The following ELF4 variants were observed in gnomAD, a reference collection of about 807,000 sequenced individuals.
The protein encoded by ELF4 is ETS-related transcription factor Elf-4.
In ELF4, 10 loss-of-function variants were observed where a neutral mutation model predicts 31.7. That is an observed-to-expected ratio of 0.32 (90% CI 0.19 to 0.54). ELF4 has a LOEUF of 0.54. ELF4 is among the 20% of genes least tolerant of loss of function. The pLI, the probability that ELF4 is intolerant of heterozygous loss-of-function variation, is 0.95. For synonymous variants in ELF4, 208 were observed against 226.7 expected, an observed-to-expected ratio of 0.92 and a Z score of 0.74; for missense variants, 418 against 522.0, an observed-to-expected ratio of 0.80 and a Z score of 1.94.
chrX:130,065,730 T>C lies in ELF4; in HGVS notation c.*991A>G, dbSNP rs774874594. On this transcript the variant is annotated 3_prime_UTR_variant, in exon 9 of 9. Coordinates refer to ENST00000308167, the MANE Select transcript of ELF4 (RefSeq NM_001421.4). Reference sequence around the variant, plus strand: ...TGGGGTGTCAGCAAAGGCTATTGTCTGGCGGGGGGCCGGTATCACACAAAC... The same window carrying C: ...TGGGGTGTCAGCAAAGGCTATTGTCCGGCGGGGGGCCGGTATCACACAAAC... The C allele has an allele frequency of 5.7e-6, 1 of 174,694 alleles. No homozygotes were observed. The highest frequency in any genetic ancestry group is 2.9e-5 in the African/African-American group (1 of 34,182). The allele number at this position is 174,694 out of a possible 1,213,427, so 14.4% of individuals were successfully genotyped here. A position where few individuals can be genotyped will look rare whatever the true frequency, so the allele number is the denominator to read the frequency against.
At chrX:130,094,223 A>G (rs1569408522) in intron 1 of ELF4, among the ~76,000 whole-genome samples, 1 of 110,755 alleles carries the variant, frequency 9.0e-6, no homozygotes, top group South Asian at 3.9e-4. Flanking sequence ...ATCTCTACTG[A>G]AAATACAAAT....
chrX:130,064,329 T>G lies in ELF4; in HGVS notation c.*2392A>C, dbSNP rs1932615708. Reference sequence around the variant, plus strand: ...GGCATGTGCCTGTACTCCCAGCTACTCAGGAGGCTGAGGCAGGAGAATCAC... The same window carrying G: ...GGCATGTGCCTGTACTCCCAGCTACGCAGGAGGCTGAGGCAGGAGAATCAC... On this transcript the variant is annotated 3_prime_UTR_variant, in exon 9 of 9. Transcript: ENST00000308167. Among the ~76,000 whole-genome samples, 1 of 111,398 alleles carries G rather than the reference T, an allele frequency of 9.0e-6. No homozygotes were observed. The highest frequency in any genetic ancestry group is 3.3e-5 in the African/African-American group (1 of 30,592).
intron 1 of ELF4, among the ~76,000 whole-genome samples, chrX:130,084,352 C>T (rs764178377): frequency 4.7e-4 from 53 of 112,404 alleles, no homozygotes; most frequent in South Asian, 1.8e-3. Flanking sequence ...CCATGGGTCC[C>T]GGGGATGAGA....
chrX:130,088,568 C>T (rs1406796608), intron 1 of ELF4, among the ~76,000 whole-genome samples: 3 of 110,794 alleles, frequency 2.7e-5, no homozygotes, highest in East Asian at 2.8e-4. Context: ...AAAAATTAGC[C>T]GGAGTGTGGC....
At chrX:130,078,496 G>A (rs1276692886) in intron 2 of ELF4, among the ~76,000 whole-genome samples, 1 of 109,851 alleles carries the variant, frequency 9.1e-6, no homozygotes, top group African/African-American at 3.3e-5. Flanking sequence ...GGTGGCTTAC[G>A]CCTGTAATCC....
intron 2 of ELF4, among the ~76,000 whole-genome samples, chrX:130,078,004 G>C (rs1932849233): frequency 9.0e-6 from 1 of 110,821 alleles, no homozygotes; most frequent in African/African-American, 3.3e-5. Context: ...AGGAGTGAAA[G>C]GGGCTGGGTG....
In ELF4 at chrX:130,069,234, A is replaced by T. The variant is rs770014288; in HGVS notation, c.1187+66T>A. On this transcript the variant is annotated intron_variant, in intron 8 of 8. Transcript: ENST00000308167. ...GCGAGACTCCATCTCAAAAAAAAAAAAAAAGAAAACTGAACCCCAACATGA... is the reference window on the plus strand; with the variant it reads ...GCGAGACTCCATCTCAAAAAAAAAATAAAAGAAAACTGAACCCCAACATGA... The T allele has an allele frequency of 6.4e-5, 76 of 1,193,597 alleles. 2 individuals carry two copies. The South Asian group carries it at 1.3e-3, about 21-fold the overall frequency.
At chrX:130,091,070 T>C (rs1239370989) in intron 1 of ELF4, among the ~76,000 whole-genome samples, 1 of 111,757 alleles carries the variant, frequency 8.9e-6, no homozygotes, top group Non-Finnish European at 1.9e-5. Flanking sequence ...GTAGGAAAGG[T>C]TTGCTGAATG....
chrX:130,088,306 G>A (rs1294190815), intron 1 of ELF4, among the ~76,000 whole-genome samples: 2 of 14 alleles, frequency 0.14, no homozygotes, highest in Non-Finnish European at 0.17. Context: ...TAGGGTAGCT[G>A]GAACCAGGAG....
chrX:130,067,321 G>A lies in ELF4; in HGVS notation c.1392C>T (p.Pro464=), dbSNP rs1451700945. The A allele has an allele frequency of 2.5e-6, 3 of 1,212,284 alleles. No individual in the cohort carries two copies. Among genetic ancestry groups the A allele is most frequent in the Admixed American group, 4.3e-5 (2 of 46,113 alleles). ...GGCTGTCTTGGAAACTGGCGTTCAGGGGGAAAGAGGCCTGCAAAGTGAAGG... is the reference window on the plus strand; with the variant it reads ...GGCTGTCTTGGAAACTGGCGTTCAGAGGGAAAGAGGCCTGCAAAGTGAAGG... ...KDTFTLQASF[P]LNASFQDSQV... Residue 464 remains proline (P), a synonymous_variant, in exon 9 of 9, where the codon CCC becomes CCT. Coordinates refer to ENST00000308167, the MANE Select transcript of ELF4 (RefSeq NM_001421.4).
At chrX:130,101,621 G>A (rs1311573288) in intron 1 of ELF4, among the ~76,000 whole-genome samples, 1 of 109,735 alleles carries the variant, frequency 9.1e-6, no homozygotes, top group African/African-American at 3.3e-5. Flanking sequence ...GAGAAACCTC[G>A]TCTCTGCTAA....
At chrX:130,107,839 TG>T (rs756448237) in intron 1 of ELF4, among the ~76,000 whole-genome samples, 1 of 112,915 alleles carries the variant, frequency 8.9e-6, no homozygotes, top group African/African-American at 3.2e-5. Flanking sequence ...ATAAGGAAAC[TG>T]GGGCATACAA....
rs1055615412 is a variant in ELF4, at chrX:130,064,879, T to C, written c.*1842A>G. The C allele has an allele frequency of 1.4e-5, 2 of 143,089 alleles. No homozygotes were observed. Among genetic ancestry groups the C allele is most frequent in the Admixed American group, 8.7e-5 (1 of 11,467 alleles). 11.8% of individuals were successfully genotyped at this position (143,089 alleles called of 1,213,427 possible). On this transcript the variant is annotated 3_prime_UTR_variant, in exon 9 of 9. Transcript: ENST00000308167. Reference sequence around the variant, plus strand: ...TGCAGCACCTTTATGCAAAATTTTTTTTTAATGGTGACCCTTTATCAAGAT... The same window carrying C: ...TGCAGCACCTTTATGCAAAATTTTTCTTTAATGGTGACCCTTTATCAAGAT...
At position 130,069,374 on chromosome X, in the gene ELF4, G is replaced by A. The variant is rs900080472; in HGVS notation, c.1113C>T (p.Asp371=). The part of the protein sequence containing the change: ...SASLELGPSL[D]EEIPTTSTML... ...TGGTGGAGGTAGTGGGGATCTCCTC[G>A]TCTAGCGACGGTCCCAATTCCAGAC... is the stretch of plus-strand genomic sequence containing the variant. The change falls in exon 8 of 9, where the codon GAC becomes GAT. Residue 371 remains aspartate, a synonymous_variant. Transcript: ENST00000308167. 7.4e-6 allele frequency: 9 copies of A among 1,212,059 alleles called. No individual in the cohort carries two copies. Among genetic ancestry groups the A allele is most frequent in the African/African-American group, 1.7e-5 (1 of 57,896 alleles).
At chrX:130,099,585 C>T (rs1933211075) in intron 1 of ELF4, among the ~76,000 whole-genome samples, 1 of 110,832 alleles carries the variant, frequency 9.0e-6, no homozygotes, top group South Asian at 3.9e-4. Flanking sequence ...AAAAAACAAA[C>T]AAACAAAAAA....
At position 130,102,935 on chromosome X, in the gene ELF4, G is replaced by A. The variant is rs1290871272; in HGVS notation, c.-210+7390C>T. Among the ~76,000 whole-genome samples, 742 of 90,094 alleles carry A rather than the reference G, an allele frequency of 8.2e-3. 27 individuals carry two copies. The highest frequency in any genetic ancestry group is 0.033 in the African/African-American group (644 of 19,369). 78.2% of individuals were successfully genotyped at this position (90,094 alleles called of 115,157 possible). On this transcript the variant is annotated intron_variant, in intron 1 of 8. Coordinates refer to ENST00000308167, the MANE Select transcript of ELF4 (RefSeq NM_001421.4). The stretch of plus-strand genomic sequence containing the variant: ...GAAAGAAAGAAAGAGAGAGAAGGAG[G>A]GAGGGAGGAAGGAAGGAAGGGAGGG...
In ELF4 at chrX:130,065,732, G is replaced by A. The variant is rs1056496; in HGVS notation, c.*989C>T. 5.7e-6 allele frequency: 1 copy of A among 174,642 alleles called. No homozygotes were observed. 14.4% of individuals were successfully genotyped at this position (174,642 alleles called of 1,213,427 possible). On this transcript the variant is annotated 3_prime_UTR_variant, in exon 9 of 9. Coordinates refer to ENST00000308167, the MANE Select transcript of ELF4 (RefSeq NM_001421.4). Reference sequence around the variant, plus strand: ...GGGTGTCAGCAAAGGCTATTGTCTGGCGGGGGGCCGGTATCACACAAACAG... The same window carrying A: ...GGGTGTCAGCAAAGGCTATTGTCTGACGGGGGGCCGGTATCACACAAACAG...
chrX:130,070,915 A>T, intron 7 of ELF4, 125 bp downstream of exon 7: 1 of 992,680 alleles, frequency 1.0e-6, no homozygotes, highest in Non-Finnish European at 1.4e-6. Context: ...GCTAAGAGGA[A>T]AGTTACGAGA....
intron 1 of ELF4, among the ~76,000 whole-genome samples, chrX:130,097,913 GT>G (rs1420282355): frequency 2.7e-5 from 3 of 112,552 alleles, no homozygotes; most frequent in African/African-American, 9.7e-5. Flanking sequence ...CTGGGCTCCG[GT>G]TTCCCCCCTC....
Sources: allele counts gnomAD v4.1 joint callset (sites outside exome capture counted in the v4.1 genomes callset), GRCh38; gene constraint gnomAD v4.1.1; transcripts MANE v1.5; gene names NCBI Gene and HGNC (gene_info 2026-07-23, HGNC 2026-07-21).